PHIP: variants seen among roughly 807,000 people sequenced by gnomAD.
PHIP encodes the protein PH-interacting protein.
In PHIP, 54 loss-of-function variants were observed where a neutral mutation model predicts 236.8. That is an observed-to-expected ratio of 0.23 (90% CI 0.18 to 0.29). The LOEUF is 0.29. Among genes scored for constraint, PHIP ranks in the 10% least tolerant of loss-of-function variants. The pLI is 1.00. For synonymous variants in PHIP, 756 were observed against 718.9 expected (o/e 1.05, Z -0.83); for missense variants, 1,370 against 2,190.8 (o/e 0.63, Z 7.48).
intron 24 of PHIP, among the ~76,000 whole-genome samples, chr6:78,975,964 G>C (rs1218125576): frequency 1.3e-5 from 2 of 151,488 alleles, no homozygotes; most frequent in Non-Finnish European, 3.0e-5. Context: ...GTAATTTACA[G>C]ATTCAATGCC....
chr6:78,956,750 G>A (rs1766446537), intron 32 of PHIP: 2 of 152,058 alleles, frequency 1.3e-5, no homozygotes, highest in South Asian at 4.1e-4. Flanking sequence ...TGTATACAAT[G>A]TCTTAACAGA....
At chr6:79,074,187 A>G (rs1333499794) in intron 4 of PHIP, among the ~76,000 whole-genome samples, 1 of 152,168 alleles carries the variant, frequency 6.6e-6, no homozygotes, top group Non-Finnish European at 1.5e-5. Context: ...ATTTTAAGAA[A>G]GGCAAGTATC....
chr6:78,987,680 T>C (rs1184980946), intron 21 of PHIP, among the ~76,000 whole-genome samples: 1 of 152,144 alleles, frequency 6.6e-6, no homozygotes, highest in East Asian at 1.9e-4. Flanking sequence ...TGCAAATTGA[T>C]TGCCTTCACT....
chr6:78,970,986 T>C, intron 24 of PHIP, 98 bp from the exon 25 acceptor site: 1 of 733,378 alleles, frequency 1.4e-6, no homozygotes, highest in South Asian at 1.8e-5. Flanking sequence ...TCTAATGCCT[T>C]TTCAGCTAAT....
chr6:79,026,197 C>A (rs1341986220), intron 7 of PHIP, 33 bp from the exon 8 acceptor site: 2 of 1,450,042 alleles, frequency 1.4e-6, no homozygotes, highest in East Asian at 2.3e-5. Flanking sequence ...ATAGAATTAA[C>A]CCCATAAATT....
intron 22 of PHIP, among the ~76,000 whole-genome samples, chr6:78,983,745 G>A (rs1017508684): frequency 3.3e-5 from 5 of 152,242 alleles, no homozygotes; most frequent in South Asian, 2.1e-4. Context: ...CACCCTACAC[G>A]TTAGGTGTAT....
intron 34 of PHIP, 131 bp downstream of exon 34, chr6:78,955,097 AACAT>A: frequency 1.1e-6 from 1 of 893,566 alleles, no homozygotes; most frequent in Middle Eastern, 3.2e-4. Context: ...AGTTCTAAAA[AACAT>A]ACATTTTGTA....
intron 7 of PHIP, among the ~76,000 whole-genome samples, chr6:79,038,647 T>C (rs1351593937): frequency 1.4e-5 from 1 of 72,504 alleles, no homozygotes; most frequent in Non-Finnish European, 2.9e-5. Flanking sequence ...GTCTCAATTA[T>C]TGACTCTTCT....
At chr6:79,017,624 C>T in intron 10 of PHIP, 41 bp from the exon 11 acceptor site, 1 of 1,372,666 alleles carries the variant, frequency 7.3e-7, no homozygotes, top group Non-Finnish European at 1.0e-6. Flanking sequence ...TAAAACATAA[C>T]TTCAAAATCT....
In PHIP at chr6:79,067,062, AT is replaced by A. The variant is rs1029989858; in HGVS notation, c.190-6245del. On this transcript the variant is annotated intron_variant, in intron 4 of 39. Transcript: ENST00000275034. ...TTACATCACACCTAATTTTTATTTT[AT>A]TTTTTTAGATACAGCATCTCTCTAT... Among the ~76,000 whole-genome samples, 10 of 151,878 alleles carry A rather than the reference AT, an allele frequency of 6.6e-5. No homozygotes were observed. In the South Asian group the frequency reaches 1.0e-3, roughly 16 times the overall value.
At position 78,970,065 on chromosome 6, in the gene PHIP, C is replaced by T. The variant is rs774177625; in HGVS notation, c.3106G>A (p.Gly1036Arg). 1 of 1,613,328 alleles carries T rather than the reference C, an allele frequency of 6.2e-7. No individual in the cohort carries two copies. The highest frequency in any genetic ancestry group is 8.5e-7 in the Non-Finnish European group (1 of 1,179,554). The change falls in exon 26 of 40, where the codon GGA becomes AGA. Residue 1036 changes from glycine to arginine, a missense_variant. By Grantham distance (125) the Gly-to-Arg change is moderately radical. Around this residue, in one of 14 missense-constraint regions of PHIP, gnomAD observed 238 missense variants for 398.5 expected, o/e 0.60. Coordinates refer to ENST00000275034, the MANE Select transcript of PHIP (RefSeq NM_017934.7). ...LDPDTGKLTGGSFTMKYHDMP... is the reference protein window; with the variant it reads ...LDPDTGKLTGRSFTMKYHDMP... ...AGTCCTTACTTCATGGTAAATGATC[C>T]GCCAGTCAGTTTACCAGTATCAGGA...
intron 6 of PHIP, among the ~76,000 whole-genome samples, chr6:79,045,483 T>C (rs1772440221): frequency 6.6e-6 from 1 of 152,096 alleles, no homozygotes; most frequent in Non-Finnish European, 1.5e-5. Context: ...AAGACAAAAA[T>C]TCTCTTATAT....
At chr6:79,033,135 T>C (rs918506006) in intron 7 of PHIP, among the ~76,000 whole-genome samples, 36 of 152,210 alleles carry the variant, frequency 2.4e-4, no homozygotes, top group African/African-American at 6.3e-4. Context: ...TAAAAAGATA[T>C]GCTGTCATCC....
intron 24 of PHIP, among the ~76,000 whole-genome samples, chr6:78,973,749 T>C (rs1477178191): frequency 6.6e-6 from 1 of 151,868 alleles, no homozygotes; most frequent in Non-Finnish European, 1.5e-5. Flanking sequence ...AAACAGACTT[T>C]AAACCAACAA....
At chr6:78,998,423 T>C (rs928195934) in intron 17 of PHIP, 32 bp from the exon 18 acceptor site, 8 of 1,595,850 alleles carry the variant, frequency 5.0e-6, no homozygotes, top group Non-Finnish European at 6.9e-6. Flanking sequence ...ATTACGAATA[T>C]TTTAGCTACT....
rs11547228 is a variant in PHIP, at chr6:78,983,034, G to A, written c.2621C>T (p.Thr874Ile). ...QPPKKVPKNK[T>I]KKAESSSDEE... ...ATCTGAACTGCTTTCTGCTTTCTTG[G>A]TTTTATTCTTAGGAACTTTCTTTGG... The change falls in exon 23 of 40, where the codon ACC becomes ATC. Residue 874 changes from threonine to isoleucine, a missense_variant. Physicochemically the swap from Thr to Ile is moderately conservative, Grantham distance 89. Transcript: ENST00000275034. 0.099 allele frequency: 159,298 copies of A among 1,610,324 alleles called. 8,480 individuals are homozygous for A. Among genetic ancestry groups the A allele is most frequent in the Middle Eastern group, 0.13 (768 of 6,044 alleles).
intron 4 of PHIP, among the ~76,000 whole-genome samples, chr6:79,073,713 C>T (rs1002349663): frequency 6.6e-6 from 1 of 151,966 alleles, no homozygotes; most frequent in African/African-American, 2.4e-5. Context: ...TTGAGACCAA[C>T]AATAATGAAA....
intron 7 of PHIP, among the ~76,000 whole-genome samples, chr6:79,041,480 T>A (rs1772209572): frequency 6.6e-6 from 1 of 152,138 alleles, no homozygotes; most frequent in Non-Finnish European, 1.5e-5. Flanking sequence ...TTCTTTACAA[T>A]GGCATAACTT....
Position 78,998,337 on chromosome 6 carries a change from C to T in PHIP, c.1934G>A (p.Ser645Asn). 9 of 1,613,378 alleles carry T rather than the reference C, an allele frequency of 5.6e-6. No individual in the cohort carries two copies. The highest frequency in any genetic ancestry group is 7.6e-6 in the Non-Finnish European group (9 of 1,179,400). Residue 645 changes from serine (S) to asparagine (N), a missense_variant, in exon 18 of 40, where the codon AGC becomes AAC. Transcript: ENST00000275034. Reference sequence around the variant, plus strand: ...CTCCTGTTGTAGTCTTTGAATCATGCTGTCCAGTGGGCTGATCTCCTGGTT... The same window carrying T: ...CTCCTGTTGTAGTCTTTGAATCATGTTGTCCAGTGGGCTGATCTCCTGGTT... ...QANQEISPLD[S>N]MIQRLQQEQD...
Sources: gnomAD v4.1 joint callset for allele counts (sites outside exome capture counted in the v4.1 genomes callset) on GRCh38, gnomAD v4.1.1 for gene constraint, gnomAD v4.1.1 regional missense constraint, MANE v1.5 for transcripts, NCBI Gene and HGNC (gene_info 2026-07-23, HGNC 2026-07-21) for gene names.